SFI1: variants seen among roughly 807,000 people sequenced by gnomAD.
The protein encoded by SFI1 is SFI1 centrin binding protein, also known as protein SFI1 homolog.
A neutral mutation model predicts 207.5 loss-of-function variants in SFI1; 195 were observed. That is an observed-to-expected ratio of 0.94 (90% CI 0.84 to 1.06). SFI1 has a LOEUF of 1.06. SFI1 is among the 50% of genes least tolerant of loss of function. SFI1 has a pLI of 0.00. For missense variants in SFI1, 1,634 were observed against 1,588.0 expected (o/e 1.03, Z -0.49); for synonymous variants, 630 against 598.9 (o/e 1.05, Z -0.76).
chr22:31,512,831 C>T (rs568549758), intron 2 of SFI1, among the ~76,000 whole-genome samples: 44 of 152,194 alleles, frequency 2.9e-4, no homozygotes, highest in Middle Eastern at 3.4e-3. Context: ...GGACTACAGG[C>T]GCCTGCCACC....
intron 24 of SFI1, chr22:31,612,398 A>AATATATATATAT (rs57948429): frequency 1.2e-4 from 7 of 60,198 alleles, no homozygotes; most frequent in African/African-American, 4.0e-4. Context: ...AAAAAAAAAA[A>AATATATATATAT]ATATATATAT....
rs1366822870 is a variant in SFI1 at position 31,593,982 on chromosome 22, G to A, written c.1544+4405G>A. Among the ~76,000 whole-genome samples the A allele has an allele frequency of 9.8e-3, 1,281 of 130,378 alleles. 15 individuals carry two copies. Among genetic ancestry groups the A allele is most frequent in the Non-Finnish European group, 0.011 (666 of 58,066 alleles). 85.5% of individuals were successfully genotyped at this position (130,378 alleles called of 152,430 possible). A position where few individuals can be genotyped will look rare whatever the true frequency, so the allele number is the denominator to read the frequency against. ...CATGAGAGGGAGACCATGGGGAGACGGAGACGAGGGAGAGGGAGAGGGACA... is the reference window on the plus strand; with the variant it reads ...CATGAGAGGGAGACCATGGGGAGACAGAGACGAGGGAGAGGGAGAGGGACA... On this transcript the variant is annotated intron_variant, in intron 15 of 32. Coordinates refer to ENST00000400288, the MANE Select transcript of SFI1 (RefSeq NM_001007467.3).
intron 4 of SFI1, among the ~76,000 whole-genome samples, chr22:31,543,133 G>A (rs775393555): frequency 2.6e-5 from 4 of 151,500 alleles, no homozygotes; most frequent in Non-Finnish European, 4.4e-5. Flanking sequence ...ACCACACCTG[G>A]CTAATTTTTT....
intron 24 of SFI1, chr22:31,612,852 C>T: frequency 6.9e-6 from 3 of 435,948 alleles, no homozygotes; most frequent in Non-Finnish European, 1.3e-5. Context: ...CTCCCTCTTC[C>T]CGTTCTGTTG....
rs533269817 is a variant in SFI1, at chr22:31,613,898, C to T, written c.2996+43C>T. On this transcript the variant is annotated intron_variant, in intron 27 of 32. Transcript: ENST00000400288. ...ACCTTGTCCTCGCTTCCACCCTGGG[C>T]AAAAGGTTGGATGGCATAGCAGGGA... 52 of 1,541,090 alleles carry T rather than the reference C, an allele frequency of 3.4e-5. No individual in the cohort carries two copies. The Admixed American group carries it at 8.2e-4, about 24-fold the overall frequency.
intron 4 of SFI1, among the ~76,000 whole-genome samples, chr22:31,531,699 GC>G (rs2058544430): frequency 6.6e-6 from 1 of 152,084 alleles, no homozygotes; most frequent in Admixed American, 6.6e-5. Flanking sequence ...TTTGAGACCA[GC>G]CTGACCAACA....
At chr22:31,595,355 G>A (rs2066949859) in intron 15 of SFI1, among the ~76,000 whole-genome samples, 1 of 152,244 alleles carries the variant, frequency 6.6e-6, no homozygotes, top group Non-Finnish European at 1.5e-5. Flanking sequence ...GGCATTGTGT[G>A]ATGGGAGACA....
chr22:31,535,034 CTT>C (rs1456713626), intron 4 of SFI1, among the ~76,000 whole-genome samples: 7 of 151,660 alleles, frequency 4.6e-5, no homozygotes, highest in Admixed American at 2.6e-4. Context: ...ACCCAGCTAA[CTT>C]TTTTATTTTT....
intron 31 of SFI1, among the ~76,000 whole-genome samples, chr22:31,617,615 G>A (rs770500803): frequency 3.9e-4 from 60 of 151,938 alleles, no homozygotes; most frequent in Non-Finnish European, 8.2e-4. Context: ...CAACTACTTG[G>A]AAGGCTGAGG....
In SFI1 at chr22:31,529,144, C is replaced by T. The variant is rs2058220680; in HGVS notation, c.266+281C>T. The T allele has an allele frequency of 2.0e-5, 7 of 341,622 alleles. No individual in the cohort carries two copies. In the South Asian group the frequency reaches 6.4e-4, roughly 31 times the overall value. 21.2% of individuals were successfully genotyped at this position (341,622 alleles called of 1,614,324 possible). On this transcript the variant is annotated intron_variant, in intron 3 of 32. Coordinates refer to ENST00000400288, the MANE Select transcript of SFI1 (RefSeq NM_001007467.3). ...GTGGTCCAAGAAAGAAGGAACTACT[C>T]TTTTTTGCTATTCTTTTTTTCCCCC...
chr22:31,591,659 A>G (rs1437428279), intron 15 of SFI1, among the ~76,000 whole-genome samples: 2 of 66,210 alleles, frequency 3.0e-5, no homozygotes, highest in Admixed American at 1.7e-4. Flanking sequence ...TGAACCCCCC[A>G]CCTCCCTCCC....
chr22:31,607,769 C>T (rs2069307853), intron 21 of SFI1, 168 bp from the exon 22 acceptor site: 1 of 552,438 alleles, frequency 1.8e-6, no homozygotes, highest in Non-Finnish European at 3.3e-6. Context: ...GGGCCCTGTC[C>T]TATTGCTCAG....
intron 16 of SFI1, 131 bp downstream of exon 16, chr22:31,602,424 G>A: frequency 8.6e-7 from 1 of 1,164,034 alleles, no homozygotes; most frequent in African/African-American, 1.5e-5. Flanking sequence ...TGTTGAGGCA[G>A]GGCAGGCTCT....
intron 8 of SFI1, among the ~76,000 whole-genome samples, chr22:31,571,763 C>T (rs2062978213): frequency 6.6e-6 from 1 of 152,106 alleles, no homozygotes; most frequent in Admixed American, 6.6e-5. Flanking sequence ...ACCATAATAT[C>T]ATTATTATAT....
chr22:31,523,695 C>T (rs1781347459), intron 2 of SFI1, among the ~76,000 whole-genome samples: 1 of 151,362 alleles, frequency 6.6e-6, no homozygotes, highest in Non-Finnish European at 1.5e-5. Flanking sequence ...TCCATTATCT[C>T]CTTTGATTCC....
At chr22:31,615,346 C>T in intron 29 of SFI1, 67 bp downstream of exon 29, 1 of 1,335,492 alleles carries the variant, frequency 7.5e-7, no homozygotes, top group African/African-American at 1.5e-5. Flanking sequence ...GGTGCTTTCT[C>T]ATGCCACAGC....
At chr22:31,575,439 C>CATG in intron 10 of SFI1, 47 bp downstream of exon 10, 1 of 1,516,108 alleles carries the variant, frequency 6.6e-7, no homozygotes, top group Middle Eastern at 2.4e-4. Context: ...GCCAGGACAG[C>CATG]ATGAGCTCAG....
At chr22:31,607,232 A>G (rs904906353) in intron 21 of SFI1, among the ~76,000 whole-genome samples, 6 of 152,138 alleles carry the variant, frequency 3.9e-5, no homozygotes, top group African/African-American at 1.2e-4. Flanking sequence ...TCCCTGGGCA[A>G]GTGTTTTGTT....
At chr22:31,508,030 C>A (rs564784721) in intron 1 of SFI1, among the ~76,000 whole-genome samples, 1 of 151,896 alleles carries the variant, frequency 6.6e-6, no homozygotes, top group Non-Finnish European at 1.5e-5. Flanking sequence ...GAGCTGAGAT[C>A]GTGCCACTGC....
Sources: gnomAD v4.1 joint callset for allele counts (sites outside exome capture counted in the v4.1 genomes callset) on GRCh38, gnomAD v4.1.1 for gene constraint, MANE v1.5 for transcripts, NCBI Gene and HGNC (gene_info 2026-07-23, HGNC 2026-07-21) for gene names.